Variants in RIN3 observed in about 807,000 individuals in gnomAD.
RIN3 encodes RAB5 interacting protein 3.
A neutral mutation model predicts 76.3 loss-of-function variants in RIN3; 54 were observed. The observed-to-expected ratio is 0.71, with a 90% CI of 0.57 to 0.89. The LOEUF (loss-of-function observed/expected upper bound fraction) is 0.89. Among genes scored for constraint, RIN3 ranks in the 40% least tolerant of loss-of-function variants. The pLI is 0.00. For synonymous variants in RIN3, 576 were observed against 564.0 expected (o/e 1.02, Z -0.30); for missense variants, 1,256 against 1,322.1 (o/e 0.95, Z 0.78).
In RIN3 at chr14:92,639,010, G is replaced by A. The variant is rs112623136; in HGVS notation, c.441-2228G>A. Among the ~76,000 whole-genome samples, 764 of 152,376 alleles carry A rather than the reference G, an allele frequency of 5.0e-3. 11 individuals are homozygous for A. The highest frequency in any genetic ancestry group is 0.016 in the African/African-American group (662 of 41,598). On this transcript the variant is annotated intron_variant, in intron 4 of 9. Coordinates refer to ENST00000216487, the MANE Select transcript of RIN3 (RefSeq NM_024832.5). ...ATCGCTGAGCAGAGGTTCCCTGGCA[G>A]GGGCCAGCCCCATCCCAGGCGGTCT...
At chr14:92,536,465 C>T (rs971877531) in intron 1 of RIN3, among the ~76,000 whole-genome samples, 2 of 152,078 alleles carry the variant, frequency 1.3e-5, no homozygotes, top group African/African-American at 2.4e-5. Flanking sequence ...AGGGTTCAGC[C>T]GGGAGCAGTG....
At chr14:92,628,800 TAA>T (rs1382326060) in intron 4 of RIN3, among the ~76,000 whole-genome samples, 1 of 152,170 alleles carries the variant, frequency 6.6e-6, no homozygotes, top group Non-Finnish European at 1.5e-5. Flanking sequence ...ATATTTTTTT[TAA>T]AAAAAAGAAT....
chr14:92,562,127 A>G (rs1897793647), intron 2 of RIN3, among the ~76,000 whole-genome samples: 1 of 152,238 alleles, frequency 6.6e-6, no homozygotes, highest in Admixed American at 6.5e-5. Context: ...TTTGAGGAAC[A>G]GTGATCAGGT....
intron 4 of RIN3, among the ~76,000 whole-genome samples, chr14:92,639,666 A>C (rs113805244): frequency 3.0e-4 from 46 of 152,316 alleles, no homozygotes; most frequent in African/African-American, 1.1e-3. Flanking sequence ...CAGTGTCTTC[A>C]ACTACCATGT....
Position 92,651,881 on chromosome 14 carries a change from C to T in RIN3, c.832C>T (p.Arg278Cys), listed in dbSNP as rs753576707. ...ATSPTSRWAP[R>C]RPPPPPPVLP... ...CTCACCCACCTCCAGGTGGGCCCCACGCCGCCCACCACCCCCTCCCCCAGT... is the reference window on the plus strand; with the variant it reads ...CTCACCCACCTCCAGGTGGGCCCCATGCCGCCCACCACCCCCTCCCCCAGT... The change falls in exon 6 of 10, where the codon CGC becomes TGC. Residue 278 changes from arginine (R) to cysteine (C), a missense_variant. Physicochemically the swap from Arg to Cys is radical, Grantham distance 180. Around this residue, in one of 3 missense-constraint regions of RIN3, gnomAD observed 610 missense variants for 626.4 expected, o/e 0.97. Transcript: ENST00000216487. The T allele has an allele frequency of 1.6e-5, 25 of 1,598,720 alleles. No homozygotes were observed. Among genetic ancestry groups the T allele is most frequent in the South Asian group, 5.5e-5 (5 of 90,116 alleles).
At chr14:92,684,385 C>CCAA (rs35250955) in intron 8 of RIN3, among the ~76,000 whole-genome samples, 1 of 115,870 alleles carries the variant, frequency 8.6e-6, no homozygotes, top group African/African-American at 3.2e-5. Flanking sequence ...CAGACTTAGA[C>CCAA]AAAAAAAAAA....
chr14:92,614,017 C>T (rs1566868473), intron 3 of RIN3, among the ~76,000 whole-genome samples: 1 of 152,200 alleles, frequency 6.6e-6, no homozygotes, highest in Non-Finnish European at 1.5e-5. Flanking sequence ...GGGCCCTTCG[C>T]CCTGGCTTTC....
chr14:92,687,193 A>G (rs2402184), intron 9 of RIN3: 22,594 of 152,216 alleles, frequency 0.15, 2,093 homozygotes, highest in East Asian at 0.27. Flanking sequence ...TCCCCACTTT[A>G]CAGCCGGGGC....
At chr14:92,551,613 ATGT>A (rs1459932724) in intron 1 of RIN3, among the ~76,000 whole-genome samples, 36 of 152,096 alleles carry the variant, frequency 2.4e-4, no homozygotes, top group Non-Finnish European at 5.3e-4. Flanking sequence ...CCACTATGTG[ATGT>A]TGTCAGTCAT....
chr14:92,555,780 A>C lies in RIN3; in HGVS notation c.74A>C (p.Glu25Ala), dbSNP rs1415670921. Residue 25 changes from glutamate to alanine, a missense_variant, in exon 2 of 10, where the codon GAA (glutamate) becomes GCA (alanine). This residue lies in a region of RIN3 where 610 missense variants were observed against 626.4 expected (regional missense o/e 0.97). Coordinates refer to ENST00000216487, the MANE Select transcript of RIN3 (RefSeq NM_024832.5). ...GTTCCAGTTGTTGGCAAAGGAGAGG[A>C]AGAGGAAGAGGAAGATGGCATGCGG... ...GPVPVVGKGE[E>A]EEEEDGMRLC... is the part of the protein sequence containing the mutation. 6.2e-7 allele frequency: 1 copy of C among 1,611,844 alleles called. No individual in the cohort carries two copies. The highest frequency in any genetic ancestry group is 1.7e-5 in the Admixed American group (1 of 59,932).
intron 7 of RIN3, among the ~76,000 whole-genome samples, chr14:92,663,251 G>GT (rs1380356507): frequency 1.3e-5 from 2 of 152,216 alleles, no homozygotes; most frequent in Admixed American, 6.5e-5. Context: ...GTCAAACACC[G>GT]TGATTTTTGC....
intron 1 of RIN3, among the ~76,000 whole-genome samples, chr14:92,553,519 G>A (rs1025879371): frequency 2.0e-5 from 3 of 152,180 alleles, no homozygotes; most frequent in African/African-American, 7.2e-5. Context: ...TCCACAGCCT[G>A]TGGACTTCCA....
chr14:92,667,935 C>T, intron 7 of RIN3, among the ~76,000 whole-genome samples: 1 of 152,154 alleles, frequency 6.6e-6, no homozygotes. Context: ...AACTCACAAC[C>T]TCGCTTTTTT....
chr14:92,652,165 C>A lies in RIN3; in HGVS notation c.1116C>A (p.Pro372=). 1 of 1,597,058 alleles carries A rather than the reference C, an allele frequency of 6.3e-7. No homozygotes were observed. The highest frequency in any genetic ancestry group is 8.5e-7 in the Non-Finnish European group (1 of 1,170,594). Residue 372 remains proline (P), a synonymous_variant, in exon 6 of 10, where the codon CCC becomes CCA. Transcript: ENST00000216487. The surrounding 1 kb of genome is among the most constrained non-coding windows in gnomAD (Gnocchi z 6.4). ...CCTCCAGTCCCTTGCAGCAGGTCCC[C>A]GCCCCGCCACTGCCTGCGAAGAAGA... ...GAASSPLQQV[P]APPLPAKKNL... is the part of the protein sequence containing the mutation.
At chr14:92,589,328 T>C (rs545621672) in intron 3 of RIN3, among the ~76,000 whole-genome samples, 1 of 152,192 alleles carries the variant, frequency 6.6e-6, no homozygotes, top group Non-Finnish European at 1.5e-5. Flanking sequence ...ATGTTCCCTA[T>C]CCTTCATTGT....
intron 7 of RIN3, among the ~76,000 whole-genome samples, chr14:92,663,000 G>A (rs535632908): frequency 5.3e-5 from 8 of 151,848 alleles, no homozygotes; most frequent in South Asian, 4.2e-4. Context: ...TTGTAAAGAC[G>A]GGGTTTCACC....
intron 4 of RIN3, among the ~76,000 whole-genome samples, chr14:92,617,291 A>T (rs1030965100): frequency 1.3e-5 from 2 of 151,302 alleles, no homozygotes; most frequent in Non-Finnish European, 2.9e-5. Context: ...CAAGAGCAAA[A>T]CTCCATCTCA....
intron 7 of RIN3, among the ~76,000 whole-genome samples, chr14:92,664,359 T>C (rs940083044): frequency 2.0e-5 from 2 of 101,574 alleles, no homozygotes; most frequent in Admixed American, 1.1e-4. Flanking sequence ...TTTCTTTCTT[T>C]CTTTCTTTTT....
In RIN3 at chr14:92,535,841, C is replaced by CT. The variant is rs35296189; in HGVS notation, c.45-19898dup. On this transcript the variant is annotated intron_variant, in intron 1 of 9. Coordinates refer to ENST00000216487, the MANE Select transcript of RIN3 (RefSeq NM_024832.5). ...AGGCATGTGCCACCACGCCTGGCTA[C>CT]TTTTTTTTTTTTGTATTTTTTAGTA... Among the ~76,000 whole-genome samples, 234 of 146,422 alleles carry CT rather than the reference C, an allele frequency of 1.6e-3. 1 individual carries two copies. The highest frequency in any genetic ancestry group is 2.0e-3 in the Admixed American group (30 of 14,778).
Sources: allele counts gnomAD v4.1 joint callset (sites outside exome capture counted in the v4.1 genomes callset), GRCh38; gene constraint gnomAD v4.1.1; regional missense constraint gnomAD v4.1.1; non-coding constraint Gnocchi (gnomAD v3.1); transcripts MANE v1.5; gene names NCBI Gene and HGNC (gene_info 2026-07-23, HGNC 2026-07-21).